Variants in KCNQ1 observed in about 807,000 individuals in gnomAD.
The protein encoded by KCNQ1 is potassium voltage-gated channel subfamily Q member 1.
Under a neutral mutation model 72.4 loss-of-function variants are expected in KCNQ1, and 49 were observed. The observed-to-expected ratio is 0.68, with a 90% CI of 0.54 to 0.86. KCNQ1 has a LOEUF of 0.86. Ranked by LOEUF, KCNQ1 falls within the 40% of genes least tolerant of loss-of-function variation. The pLI is 0.00. For missense variants in KCNQ1, 790 were observed against 945.1 expected, an observed-to-expected ratio of 0.84 and a Z score of 2.15; for synonymous variants, 450 against 412.6, an observed-to-expected ratio of 1.09 and a Z score of -1.10.
rs2133929399 is a variant in KCNQ1 at position 2,720,747 on chromosome 11, G to A, written c.1515-48097G>A. Among the ~76,000 whole-genome samples, 1 of 152,248 alleles carries A rather than the reference G, an allele frequency of 6.6e-6. No homozygotes were observed. On this transcript the variant is annotated intron_variant, in intron 11 of 15. Coordinates refer to ENST00000155840, the MANE Select transcript of KCNQ1 (RefSeq NM_000218.3). This position sits in a 1 kb window ranked among gnomAD's most constrained non-coding sequence, Gnocchi z 5.1. ...ACCTAGGAGTCCATGCTACCTGTGG[G>A]GTTCATAGTGTGTCCCTCTCAGCCA...
intron 11 of KCNQ1, chr11:2,667,664 G>A: frequency 2.5e-6 from 1 of 398,670 alleles, no homozygotes; most frequent in Non-Finnish European, 4.4e-6. Context: ...TTGAACTGCA[G>A]AGCCTCTGGA....
chr11:2,733,808 A>ACACACACACACACACACACACACACACT (rs1564875270), intron 11 of KCNQ1, among the ~76,000 whole-genome samples: 1 of 63,332 alleles, frequency 1.6e-5, no homozygotes, highest in African/African-American at 7.4e-5. Context: ...ACACACACAC[A>ACACACACACACACACACACACACACACT]CACACACTCT....
At chr11:2,729,526 A>G (rs1845817241) in intron 11 of KCNQ1, among the ~76,000 whole-genome samples, 1 of 152,248 alleles carries the variant, frequency 6.6e-6, no homozygotes, top group Non-Finnish European at 1.5e-5. Flanking sequence ...CTCTGCATCC[A>G]TGGATTCAAC....
Position 2,698,846 on chromosome 11 carries a change from G to C in KCNQ1, c.1514+36765G>C, listed in dbSNP as rs1169778374. 1 of 398,602 alleles carries C rather than the reference G, an allele frequency of 2.5e-6. No homozygotes were observed. The highest frequency in any genetic ancestry group is 3.6e-5 in the East Asian group (1 of 28,092). 24.7% of individuals were successfully genotyped at this position (398,602 alleles called of 1,614,324 possible). ...AGGCCCTACCTAAAACCACCATGCG[G>C]ACTCCAGACCCGGACTGACTGGGAC... On this transcript the variant is annotated intron_variant, in intron 11 of 15. Transcript: ENST00000155840. This position sits in a 1 kb window ranked among gnomAD's most constrained non-coding sequence, Gnocchi z 5.1.
chr11:2,814,183 T>TG (rs1327516213), intron 15 of KCNQ1, among the ~76,000 whole-genome samples: 35 of 134,144 alleles, frequency 2.6e-4, no homozygotes, highest in East Asian at 1.2e-3. Context: ...GATGGTTGAG[T>TG]GGGGGGGTAG....
At chr11:2,838,829 G>T (rs1253535333) in intron 15 of KCNQ1, among the ~76,000 whole-genome samples, 2 of 152,202 alleles carry the variant, frequency 1.3e-5, no homozygotes, top group Non-Finnish European at 2.9e-5. Context: ...TGGCCTCCGG[G>T]CCTCTGCGGG....
At chr11:2,765,138 C>T (rs1564885316) in intron 11 of KCNQ1, among the ~76,000 whole-genome samples, 1 of 152,180 alleles carries the variant, frequency 6.6e-6, no homozygotes, top group African/African-American at 2.4e-5. Flanking sequence ...GGTTCACTGT[C>T]TGTGCTTATT....
In KCNQ1 at chr11:2,768,509, G is replaced by C. The variant is rs1362398482; in HGVS notation, c.1515-335G>C. ...GATCCTGAAGGCCCAAGCATAGAAA[G>C]AAGTTGCTATGGCTGCCATGTGTCA... On this transcript the variant is annotated intron_variant, in intron 11 of 15. Coordinates refer to ENST00000155840, the MANE Select transcript of KCNQ1 (RefSeq NM_000218.3). The surrounding 1 kb of genome is among the most constrained non-coding windows in gnomAD (Gnocchi z 6.7). Among the ~76,000 whole-genome samples the C allele has an allele frequency of 5.3e-5, 8 of 152,198 alleles. No homozygotes were observed. Among genetic ancestry groups the C allele is most frequent in the Non-Finnish European group, 1.2e-4 (8 of 68,044 alleles).
At chr11:2,560,565 G>A (rs990651632) in intron 2 of KCNQ1, among the ~76,000 whole-genome samples, 1 of 150,074 alleles carries the variant, frequency 6.7e-6, no homozygotes, top group African/African-American at 2.5e-5. Context: ...TCCATCCTGG[G>A]GGAGACAGTA....
chr11:2,761,810 T>A (rs768504474), intron 11 of KCNQ1, among the ~76,000 whole-genome samples: 1 of 152,258 alleles, frequency 6.6e-6, no homozygotes, highest in African/African-American at 2.4e-5. Context: ...GCTGGCACCC[T>A]CAGCCCTGGC....
intron 8 of KCNQ1, 65 bp downstream of exon 8, chr11:2,585,372 C>T (rs990516547): frequency 6.4e-6 from 9 of 1,398,796 alleles, no homozygotes; most frequent in African/African-American, 1.4e-5. Flanking sequence ...ATCCAGCCCT[C>T]ACGGCCACCT....
chr11:2,672,650 AC>A (rs1850207293), intron 11 of KCNQ1: 1 of 398,584 alleles, frequency 2.5e-6, no homozygotes, highest in African/African-American at 2.1e-5. Flanking sequence ...AAGCACTGAG[AC>A]CAGATATGAT....
intron 1 of KCNQ1, chr11:2,461,671 G>A (rs1846280112): frequency 7.3e-7 from 1 of 1,366,964 alleles, no homozygotes; most frequent in Non-Finnish European, 9.8e-7. Context: ...TGGACCCTGG[G>A]AAAGAGCCTG....
intron 11 of KCNQ1, among the ~76,000 whole-genome samples, chr11:2,700,625 C>T (rs1338331194): frequency 6.6e-6 from 1 of 152,152 alleles, no homozygotes; most frequent in Non-Finnish European, 1.5e-5. Flanking sequence ...GCCTGGAACA[C>T]CCGTGTCTGC....
In KCNQ1 at chr11:2,651,031, A is replaced by G. The variant is rs968028243; in HGVS notation, c.1394-10930A>G. 7 of 398,674 alleles carry G rather than the reference A, an allele frequency of 1.8e-5. No homozygotes were observed. Among genetic ancestry groups the G allele is most frequent in the Non-Finnish European group, 1.3e-5 (3 of 226,184 alleles). The allele number at this position is 398,674 out of a possible 1,614,324, so 24.7% of individuals were successfully genotyped here. ...AGTCTCTCCAGCTATCTCCCTGGTT[A>G]AAACCACCACCATTTCTCTGCCTAC... On this transcript the variant is annotated intron_variant, in intron 10 of 15. Transcript: ENST00000155840. The surrounding 1 kb of genome is among the most constrained non-coding windows in gnomAD (Gnocchi z 6.1).
rs576753316 is a variant in KCNQ1 at position 2,544,317 on chromosome 11, T to C, written c.477+16299T>C. ...ATGTATATATGTGTATATATGTATATATCTATGTATATATATGTGTATGTA... is the reference window on the plus strand; with the variant it reads ...ATGTATATATGTGTATATATGTATACATCTATGTATATATATGTGTATGTA... On this transcript the variant is annotated intron_variant, in intron 2 of 15. Coordinates refer to ENST00000155840, the MANE Select transcript of KCNQ1 (RefSeq NM_000218.3). The surrounding 1 kb of genome is among the most constrained non-coding windows in gnomAD (Gnocchi z 4.4). Among the ~76,000 whole-genome samples the C allele has an allele frequency of 6.7e-6, 1 of 148,500 alleles. No homozygotes were observed. Among genetic ancestry groups the C allele is most frequent in the East Asian group, 1.9e-4 (1 of 5,132 alleles).
rs142682917 is a variant in KCNQ1, at chr11:2,588,567, T to C, written c.1252-146T>C. 2,386 of 967,992 alleles carry C rather than the reference T, an allele frequency of 2.5e-3. 29 individuals carry two copies. The highest frequency in any genetic ancestry group is 0.023 in the Middle Eastern group (73 of 3,204). The allele number at this position is 967,992 out of a possible 1,614,324, so 60.0% of individuals were successfully genotyped here. A position where few individuals can be genotyped will look rare whatever the true frequency, so the allele number is the denominator to read the frequency against. On this transcript the variant is annotated intron_variant, in intron 9 of 15. Transcript: ENST00000155840. This position sits in a 1 kb window ranked among gnomAD's most constrained non-coding sequence, Gnocchi z 5.6. ...CTGCCCTGTCTCTGTGTGAAGACACTGGAGCTGGCCCCAGGCCTCAGGTCC... is the reference window on the plus strand; with the variant it reads ...CTGCCCTGTCTCTGTGTGAAGACACCGGAGCTGGCCCCAGGCCTCAGGTCC...
chr11:2,742,482 C>A (rs1291725601), intron 11 of KCNQ1, among the ~76,000 whole-genome samples: 1 of 152,226 alleles, frequency 6.6e-6, no homozygotes, highest in Non-Finnish European at 1.5e-5. Context: ...GCTGTGCCCA[C>A]TCATGTGGTG....
At position 2,735,415 on chromosome 11, in the gene KCNQ1, C is replaced by A. The variant is rs927502374; in HGVS notation, c.1515-33429C>A. ...CTTCTCCCCTTCCTTCAGAGCCCAA[C>A]CACTGCTTGCTCCTTCCCACCCCTC... is the stretch of plus-strand genomic sequence containing the variant. On this transcript the variant is annotated intron_variant, in intron 11 of 15. Transcript: ENST00000155840. This position sits in a 1 kb window ranked among gnomAD's most constrained non-coding sequence, Gnocchi z 7.7. 6.6e-6 allele frequency among the ~76,000 whole-genome samples: 1 copy of A among 151,824 alleles called. No individual in the cohort carries two copies. Among genetic ancestry groups the A allele is most frequent in the African/African-American group, 2.4e-5 (1 of 41,298 alleles).
Sources: allele counts gnomAD v4.1 joint callset (sites outside exome capture counted in the v4.1 genomes callset), GRCh38; gene constraint gnomAD v4.1.1; non-coding constraint Gnocchi (gnomAD v3.1); transcripts MANE v1.5; gene names NCBI Gene and HGNC (gene_info 2026-07-23, HGNC 2026-07-21).